The following C19orf47 variants were observed in gnomAD, a reference collection of about 807,000 sequenced individuals.
The protein encoded by C19orf47 is chromosome 19 open reading frame 47.
C19orf47 carries 18 observed loss-of-function variants against 32.3 expected under a neutral mutation model. The observed-to-expected ratio is 0.56, with a 90% CI of 0.39 to 0.83. C19orf47 has a LOEUF of 0.83. Ranked by LOEUF, C19orf47 falls within the 40% of genes least tolerant of loss-of-function variation. The pLI, the probability that C19orf47 is intolerant of heterozygous loss-of-function variation, is 0.00. For missense variants in C19orf47, 484 were observed against 531.6 expected (o/e 0.91, Z 0.88); for synonymous variants, 202 against 211.1 (o/e 0.96, Z 0.37).
chr19:40,341,764 T>C, intron 2 of C19orf47, 75 bp downstream of exon 2: 2 of 1,526,168 alleles, frequency 1.3e-6, no homozygotes, highest in East Asian at 2.5e-5. Flanking sequence ...CCCCATCCCA[T>C]CATCCCCCAC....
chr19:40,307,147 G>A, the C19orf47 span, among the ~76,000 whole-genome samples: 1 of 122,850 alleles, frequency 8.1e-6, no homozygotes, highest in African/African-American at 3.1e-5. Context: ...ACAGGCTACA[G>A]CGCAGTGGTG....
intron 7 of C19orf47, among the ~76,000 whole-genome samples, chr19:40,325,936 G>A (rs535285134): frequency 2.6e-5 from 4 of 152,236 alleles, no homozygotes; most frequent in South Asian, 2.1e-4. Flanking sequence ...CACCACACCC[G>A]ACCAAGAGAT....
chr19:40,326,376 G>A lies in C19orf47; in HGVS notation c.550C>T (p.Pro184Ser), dbSNP rs369520820. The change falls in exon 7 of 9, where the codon CCC (proline) becomes TCC (serine). Residue 184 changes from proline (P) to serine (S), a missense_variant. Pro to Ser is a moderately conservative substitution (Grantham distance 74, BLOSUM62 -1). Coordinates refer to ENST00000683109, the MANE Select transcript of C19orf47 (RefSeq NM_001256441.2). ...TGCTCCAGGATCTTGCGGGTGCGGG[G>A]TGTGGTGCCTTTGGGCATGTTGATG... ...YVINMPKGTTPRTRKILEQQQ... is the reference protein window; with the variant it reads ...YVINMPKGTTSRTRKILEQQQ... The A allele has an allele frequency of 1.1e-5, 17 of 1,614,086 alleles. No homozygotes were observed. The South Asian group carries it at 1.5e-4, about 15-fold the overall frequency.
the C19orf47 span, among the ~76,000 whole-genome samples, chr19:40,312,477 G>A: frequency 2.6e-5 from 4 of 152,044 alleles, no homozygotes; most frequent in East Asian, 3.9e-4. Context: ...CCCAGGAGGC[G>A]GAGCTTGCAG....
At chr19:40,332,052 A>C (rs901772361) in intron 5 of C19orf47, among the ~76,000 whole-genome samples, 2 of 152,004 alleles carry the variant, frequency 1.3e-5, no homozygotes, top group South Asian at 2.1e-4. Context: ...AAAAAAAAAA[A>C]ATGGTATCAT....
Position 40,322,357 on chromosome 19 carries a change from C to A in C19orf47, c.683G>T (p.Arg228Leu), listed in dbSNP as rs368573925. The A allele has an allele frequency of 4.5e-5, 72 of 1,591,296 alleles. No individual in the cohort carries two copies. Among genetic ancestry groups the A allele is most frequent in the East Asian group, 9.0e-5 (4 of 44,508 alleles). The change falls in exon 9 of 9, where the codon CGC becomes CTC. Residue 228 changes from arginine to leucine, a missense_variant. Arg to Leu is a moderately radical substitution (Grantham distance 102). Coordinates refer to ENST00000683109, the MANE Select transcript of C19orf47 (RefSeq NM_001256441.2). ...TGSKPTGVFSRLGATPETDED... is the reference protein window; with the variant it reads ...TGSKPTGVFSLLGATPETDED... ...GTCCGTTTCTGGGGTGGCCCCCAGG[C>A]GGCTGAAGACTCCTGTGGGCTGTGG... is the stretch of plus-strand genomic sequence containing the variant.
intron 1 of C19orf47, among the ~76,000 whole-genome samples, chr19:40,343,075 T>C (rs914564477): frequency 6.6e-6 from 1 of 152,212 alleles, no homozygotes; most frequent in African/African-American, 2.4e-5. Flanking sequence ...GATTCAACGC[T>C]ATGCGACTCC....
At chr19:40,338,145 G>A (rs956477094) in intron 2 of C19orf47, among the ~76,000 whole-genome samples, 3 of 151,558 alleles carry the variant, frequency 2.0e-5, no homozygotes, top group Non-Finnish European at 4.4e-5. Flanking sequence ...CGCAATCATA[G>A]CTCACTGCCG....
chr19:40,326,231 A>G, intron 7 of C19orf47, 103 bp downstream of exon 7: 1 of 1,496,872 alleles, frequency 6.7e-7, no homozygotes, highest in South Asian at 1.3e-5. Flanking sequence ...TCCCCGTTAG[A>G]ACCTGCTTCT....
downstream of C19orf47, among the ~76,000 whole-genome samples, chr19:40,319,325 C>T (rs202216722): frequency 6.6e-6 from 1 of 151,572 alleles, no homozygotes; most frequent in Non-Finnish European, 1.5e-5. Flanking sequence ...GTAAATTTCA[C>T]GAGGTATATT....
At chr19:40,315,763 G>C (rs2077657971), downstream of C19orf47, among the ~76,000 whole-genome samples, 1 of 150,450 alleles carries the variant, frequency 6.6e-6, no homozygotes, top group South Asian at 2.1e-4. Context: ...CTGGGCGAGA[G>C]AGTGACACTC....
downstream of C19orf47, among the ~76,000 whole-genome samples, chr19:40,315,584 C>T (rs566545371): frequency 1.3e-5 from 2 of 152,136 alleles, no homozygotes; most frequent in African/African-American, 2.4e-5. Context: ...AATTCGAGAC[C>T]AGCCTGGTTA....
At position 40,322,329 on chromosome 19, in the gene C19orf47, C is replaced by T. The variant is rs1364209717; in HGVS notation, c.711G>A (p.Glu237=). Residue 237 remains glutamate (E), a synonymous_variant, in exon 9 of 9, where the codon GAG becomes GAA. Transcript: ENST00000683109. ...CATTGTCGCTGTCCCAAGCCAGATC[C>T]TCGTCCGTTTCTGGGGTGGCCCCCA... ...SRLGATPETD[E]DLAWDSDNDS... The T allele has an allele frequency of 1.2e-6, 2 of 1,603,190 alleles. No homozygotes were observed. The highest frequency in any genetic ancestry group is 2.2e-5 in the East Asian group (1 of 44,658).
rs1458663794 is a variant in C19orf47 at position 40,330,646 on chromosome 19, C to T, written c.302-2096G>A. ...CTCACTGCAGCCTCAAAGTCCTGGG[C>T]TCAAGCAATCCTCCCACCTCAGCCT... On this transcript the variant is annotated intron_variant, in intron 5 of 8. Transcript: ENST00000683109. Among the ~76,000 whole-genome samples the T allele has an allele frequency of 4.3e-5, 6 of 138,850 alleles. No homozygotes were observed. In the Admixed American group the frequency reaches 4.8e-4, roughly 11 times the overall value. 91.1% of individuals were successfully genotyped at this position (138,850 alleles called of 152,430 possible). A position where few individuals can be genotyped will look rare whatever the true frequency, so the allele number is the denominator to read the frequency against.
Position 40,321,854 on chromosome 19 carries a change from T to C in C19orf47, c.*28A>G, listed in dbSNP as rs1436662814. The C allele has an allele frequency of 6.6e-7, 1 of 1,524,590 alleles. No individual in the cohort carries two copies. Among genetic ancestry groups the C allele is most frequent in the African/African-American group, 1.4e-5 (1 of 72,306 alleles). The allele number at this position is 1,524,590 out of a possible 1,614,324, so 94.4% of individuals were successfully genotyped here. On this transcript the variant is annotated 3_prime_UTR_variant, in exon 9 of 9. Transcript: ENST00000683109. ...GGCCAGGGCAGATGCCCGCAGGCTC[T>C]GCTGCCTGCACCCCGCCCACAGGTG... is the stretch of plus-strand genomic sequence containing the variant.
At chr19:40,341,046 T>C (rs1442909102) in intron 2 of C19orf47, among the ~76,000 whole-genome samples, 1 of 147,410 alleles carries the variant, frequency 6.8e-6, no homozygotes, top group Admixed American at 6.8e-5. Context: ...ACAAATATAT[T>C]TTATGGGCCA....
At chr19:40,308,303 G>A in the C19orf47 span, among the ~76,000 whole-genome samples, 21 of 148,026 alleles carry the variant, frequency 1.4e-4, no homozygotes, top group Admixed American at 2.7e-4. Flanking sequence ...TTACAGGCGC[G>A]TGTCACCACA....
rs781472516 is a variant in C19orf47 at position 40,332,038 on chromosome 19, C to CA, written c.301+1812dup. On this transcript the variant is annotated intron_variant, in intron 5 of 8. Coordinates refer to ENST00000683109, the MANE Select transcript of C19orf47 (RefSeq NM_001256441.2). ...GAGCCACAAAAGCGAAACTCCATCT[C>CA]AAAAAAAAAAAAAAATGGTATCATA... Among the ~76,000 whole-genome samples, 609 of 105,094 alleles carry CA rather than the reference C, an allele frequency of 5.8e-3. 5 individuals carry two copies. The highest frequency in any genetic ancestry group is 0.013 in the Admixed American group (132 of 10,022). 68.9% of individuals were successfully genotyped at this position (105,094 alleles called of 152,430 possible).
At chr19:40,299,412 A>G in the C19orf47 span, 2 of 152,274 alleles carry the variant, frequency 1.3e-5, no homozygotes, top group East Asian at 3.9e-4. Context: ...ATTATTAGTG[A>G]CCTAAATTAA....
Sources: allele counts gnomAD v4.1 joint callset (sites outside exome capture counted in the v4.1 genomes callset), GRCh38; gene constraint gnomAD v4.1.1; transcripts MANE v1.5; gene names NCBI Gene and HGNC (gene_info 2026-07-23, HGNC 2026-07-21).